Variants in DOCK7 observed in about 807,000 individuals in gnomAD.
The protein encoded by DOCK7 is dedicator of cytokinesis protein 7.
DOCK7 carries 138 observed loss-of-function variants against 271.0 expected under a neutral mutation model. The observed-to-expected ratio is 0.51, with a 90% confidence interval of 0.44 to 0.59. The LOEUF (loss-of-function observed/expected upper bound fraction) is 0.59. Among genes scored for constraint, DOCK7 ranks in the 20% least tolerant of loss-of-function variants. The pLI is 0.00. For missense variants in DOCK7, 2,066 were observed against 2,592.4 expected (o/e 0.80, Z 4.41); for synonymous variants, 823 against 876.1 (o/e 0.94, Z 1.07).
At chr1:62,555,764 C>G in intron 21 of DOCK7, 61 bp downstream of exon 21, 2 of 1,536,762 alleles carry the variant, frequency 1.3e-6, no homozygotes, top group East Asian at 2.3e-5. Flanking sequence ...AAAATTATCT[C>G]AATACTGACA....
Position 62,487,374 on chromosome 1 carries a change from TTAAC to T in DOCK7, c.5508+20_5508+23del, listed in dbSNP as rs767210333. 2.4e-5 allele frequency: 39 copies of T among 1,606,212 alleles called. No homozygotes were observed. The East Asian group carries it at 5.6e-4, about 23-fold the overall frequency. On this transcript the variant is annotated intron_variant, in intron 43 of 49. Coordinates refer to ENST00000635253, the MANE Select transcript of DOCK7 (RefSeq NM_001367561.1). ...TGATAAAATCAATCTATTAGTGTCT[TTAAC>T]TAACTAAAACATTACCTACCTCCCA...
At chr1:62,635,712 G>A (rs1449411234) in intron 8 of DOCK7, 1 of 152,112 alleles carries the variant, frequency 6.6e-6, no homozygotes, top group Admixed American at 6.5e-5. Flanking sequence ...TCTTGTGTTG[G>A]CAGCAGAAGC....
chr1:62,639,423 ACT>A (rs1337624380), intron 7 of DOCK7, among the ~76,000 whole-genome samples: 15 of 107,586 alleles, frequency 1.4e-4, no homozygotes, highest in Non-Finnish European at 2.2e-4. Flanking sequence ...ACTTTGTAAT[ACT>A]CTTTTTTTTT....
At chr1:62,532,543 T>C (rs1206586374) in intron 29 of DOCK7, among the ~76,000 whole-genome samples, 2 of 152,120 alleles carry the variant, frequency 1.3e-5, no homozygotes, top group Admixed American at 1.3e-4. Flanking sequence ...CTATGTTGCC[T>C]AGGCTGGTGT....
rs1645689764 is a variant in DOCK7 at position 62,466,790 on chromosome 1, G to A, written c.6212+7192C>T. Among the ~76,000 whole-genome samples, 4 of 151,912 alleles carry A rather than the reference G, an allele frequency of 2.6e-5. No individual in the cohort carries two copies. In the South Asian group the frequency reaches 8.3e-4, roughly 32 times the overall value. On this transcript the variant is annotated intron_variant, in intron 48 of 49. Transcript: ENST00000635253. Reference sequence around the variant, plus strand: ...ACAAAAATTAGCCAGGTGTGGTGGTGGGCACCTATAATCCCAGCTACTCAG... The same window carrying A: ...ACAAAAATTAGCCAGGTGTGGTGGTAGGCACCTATAATCCCAGCTACTCAG...
At chr1:62,612,022 G>A (rs563750926) in intron 14 of DOCK7, among the ~76,000 whole-genome samples, 10 of 151,968 alleles carry the variant, frequency 6.6e-5, no homozygotes, top group Admixed American at 3.3e-4. Flanking sequence ...TGGGTGTGGT[G>A]GCTTGCACCT....
intron 48 of DOCK7, among the ~76,000 whole-genome samples, chr1:62,469,991 C>T (rs909142946): frequency 4.0e-5 from 6 of 151,146 alleles, no homozygotes; most frequent in Non-Finnish European, 8.8e-5. Context: ...TAAACTAGTA[C>T]AACCACTATG....
Position 62,566,236 on chromosome 1 carries a change from C to A in DOCK7, c.2113-4533G>T, listed in dbSNP as rs557798545. 2.6e-5 allele frequency among the ~76,000 whole-genome samples: 4 copies of A among 152,188 alleles called. No individual in the cohort carries two copies. The South Asian group carries it at 8.3e-4, about 32-fold the overall frequency. ...GGAACCAAAAAAGAGCCCACAGAGC[C>A]AAGACAATCATAAGCAAAAAGAACA... On this transcript the variant is annotated intron_variant, in intron 18 of 49. Coordinates refer to ENST00000635253, the MANE Select transcript of DOCK7 (RefSeq NM_001367561.1).
chr1:62,601,060 C>T, intron 14 of DOCK7: 1 of 1,397,166 alleles, frequency 7.2e-7, no homozygotes, highest in Non-Finnish European at 1.0e-6. Context: ...TTTTAAAAAA[C>T]AGATTTATAT....
intron 14 of DOCK7, chr1:62,598,081 G>A: frequency 1.3e-6 from 2 of 1,555,650 alleles, no homozygotes; most frequent in Non-Finnish European, 8.6e-7. Flanking sequence ...AAATAAAGAG[G>A]GTTCATGTTT....
At chr1:62,687,373 T>TCAATCACTTGCTTTACTTCAAGACTG (rs1312342126) in intron 1 of DOCK7, among the ~76,000 whole-genome samples, 1 of 152,362 alleles carries the variant, frequency 6.6e-6, no homozygotes, top group African/African-American at 2.4e-5. Flanking sequence ...AACCTCCACC[T>TCAATCACTTGCTTTACTTCAAGACTG]CAATCACTTG....
chr1:62,514,933 G>A (rs544297891), intron 31 of DOCK7, among the ~76,000 whole-genome samples: 3 of 152,152 alleles, frequency 2.0e-5, no homozygotes, highest in East Asian at 1.9e-4. Context: ...AACTAAAAAT[G>A]AGGAAGAAGT....
intron 15 of DOCK7, 110 bp from the exon 16 acceptor site, chr1:62,583,364 T>G: frequency 9.6e-6 from 9 of 942,132 alleles, no homozygotes; most frequent in Non-Finnish European, 1.5e-5. Context: ...ATGGGCAAAA[T>G]CAGCCCAATG....
intron 31 of DOCK7, among the ~76,000 whole-genome samples, chr1:62,524,957 T>TATATATA (rs1557666274): frequency 1.2e-5 from 1 of 82,646 alleles, no homozygotes; most frequent in African/African-American, 6.4e-5. Flanking sequence ...ATATATATAT[T>TATATATA]ACTATAAACT....
chr1:62,477,224 AG>A (rs1473084643), intron 44 of DOCK7: 2 of 152,310 alleles, frequency 1.3e-5, no homozygotes, highest in African/African-American at 2.4e-5. Flanking sequence ...GTGAAAATTA[AG>A]AAATTATAAA....
chr1:62,655,877 T>C (rs546765878), intron 2 of DOCK7, among the ~76,000 whole-genome samples: 78 of 152,340 alleles, frequency 5.1e-4, no homozygotes, highest in Middle Eastern at 3.4e-3. Flanking sequence ...CTATTTCAAT[T>C]CTACAAATAA....
chr1:62,682,467 A>T (rs1390168225), intron 1 of DOCK7, among the ~76,000 whole-genome samples: 1 of 152,200 alleles, frequency 6.6e-6, no homozygotes, highest in Non-Finnish European at 1.5e-5. Context: ...TAAAAAGTCA[A>T]AACCAGACCT....
chr1:62,589,549 C>A (rs1571668533), intron 14 of DOCK7, among the ~76,000 whole-genome samples: 1 of 151,368 alleles, frequency 6.6e-6, no homozygotes, highest in South Asian at 2.1e-4. Flanking sequence ...TTTCAAACCA[C>A]AACGTGAGCA....
intron 29 of DOCK7, among the ~76,000 whole-genome samples, chr1:62,534,755 T>C (rs1169081980): frequency 6.6e-6 from 1 of 152,168 alleles, no homozygotes; most frequent in Admixed American, 6.5e-5. Context: ...TATTTGTTTA[T>C]AGGGCAATTT....
Sources: gnomAD v4.1 joint callset for allele counts (sites outside exome capture counted in the v4.1 genomes callset) on GRCh38, gnomAD v4.1.1 for gene constraint, MANE v1.5 for transcripts, NCBI Gene and HGNC (gene_info 2026-07-23, HGNC 2026-07-21) for gene names.